SUPT16H: variants seen among roughly 807,000 people sequenced by gnomAD.
SUPT16H encodes the protein SPT16 homolog, facilitates chromatin remodeling subunit.
SUPT16H carries 24 observed loss-of-function variants against 136.2 expected under a neutral mutation model. The observed-to-expected ratio is 0.18, with a 90% CI of 0.13 to 0.25. The LOEUF is 0.25. Ranked by LOEUF, SUPT16H falls within the 10% of genes least tolerant of loss-of-function variation. The pLI is 1.00. For missense variants in SUPT16H, 623 were observed against 1,270.2 expected (o/e 0.49, Z 7.74); for synonymous variants, 415 against 428.2 (o/e 0.97, Z 0.38).
At chr14:21,379,881 AAAAC>A (rs141049084) in intron 1 of SUPT16H, among the ~76,000 whole-genome samples, 124,610 of 149,440 alleles carry the variant, frequency 0.83, 52,607 homozygotes, top group South Asian at 0.91. Context: ...TGAAACTCAA[AAAAC>A]AAACAAACAA....
intron 15 of SUPT16H, 31 bp from the exon 16 acceptor site, chr14:21,361,244 T>C: frequency 6.2e-7 from 1 of 1,611,984 alleles, no homozygotes. Context: ...TTATAGACAT[T>C]TCTTTTTCAG....
chr14:21,379,230 G>A (rs1324981795), intron 1 of SUPT16H, among the ~76,000 whole-genome samples: 2 of 152,104 alleles, frequency 1.3e-5, no homozygotes. Context: ...GAGGCCAGGA[G>A]TTAGAGACCA....
In SUPT16H at chr14:21,373,375, T is replaced by C. The variant is rs1368016564; in HGVS notation, c.122A>G (p.Asp41Gly). The change falls in exon 2 of 26, where the codon GAT (aspartate) becomes GGT (glycine). Residue 41 changes from aspartate (D) to glycine (G), a missense_variant. Around this residue, in one of 7 missense-constraint regions of SUPT16H, gnomAD observed 343 missense variants for 525.7 expected, o/e 0.65. Transcript: ENST00000216297. ...VDAIVVSVGV[D>G]EEIVYAKSTA... ...TGATTTGGCATAAACAATTTCTTCATCAACACCCACTGATACAACAATGGC... is the reference window on the plus strand; with the variant it reads ...TGATTTGGCATAAACAATTTCTTCACCAACACCCACTGATACAACAATGGC... The C allele has an allele frequency of 6.2e-7, 1 of 1,614,182 alleles. No homozygotes were observed. Among genetic ancestry groups the C allele is most frequent in the East Asian group, 2.2e-5 (1 of 44,886 alleles).
Position 21,365,129 on chromosome 14 carries a change from A to G in SUPT16H, c.1061T>C (p.Ile354Thr). 1.2e-6 allele frequency: 2 copies of G among 1,613,778 alleles called. No homozygotes were observed. Among genetic ancestry groups the G allele is most frequent in the Non-Finnish European group, 1.7e-6 (2 of 1,179,850 alleles). The stretch of plus-strand genomic sequence containing the variant: ...TACTAGGGAGCCTTCACGGAATTCA[A>G]TTCCCATCCCAAACCTGAAAAGAAA... Reference protein sequence around the residue: ...ITKNLGFGMGIEFREGSLVIN... With the variant: ...ITKNLGFGMGTEFREGSLVIN... The change falls in exon 9 of 26, where the codon ATT becomes ACT. Residue 354 changes from isoleucine to threonine, a missense_variant. Around this residue, in one of 7 missense-constraint regions of SUPT16H, gnomAD observed 343 missense variants for 525.7 expected, o/e 0.65. Coordinates refer to ENST00000216297, the MANE Select transcript of SUPT16H (RefSeq NM_007192.4).
chr14:21,370,495 G>A lies in SUPT16H; in HGVS notation c.331-7C>T, dbSNP rs1566390806. On this transcript the variant is annotated splice_region_variant and splice_polypyrimidine_tract_variant and intron_variant, in intron 3 of 25. Coordinates refer to ENST00000216297, the MANE Select transcript of SUPT16H (RefSeq NM_007192.4). ...TACTCTTATTACTTTCATTCTGTCAGTGTCATAGGGAAGAAAAGACACATA... is the reference window on the plus strand; with the variant it reads ...TACTCTTATTACTTTCATTCTGTCAATGTCATAGGGAAGAAAAGACACATA... 1.2e-6 allele frequency: 2 copies of A among 1,613,468 alleles called. No individual in the cohort carries two copies. Among genetic ancestry groups the A allele is most frequent in the Non-Finnish European group, 1.7e-6 (2 of 1,179,812 alleles).
chr14:21,373,711 T>C (rs1426442240), intron 1 of SUPT16H, among the ~76,000 whole-genome samples: 2 of 152,194 alleles, frequency 1.3e-5, no homozygotes, highest in African/African-American at 2.4e-5. Context: ...TTCAAAGAAA[T>C]ATTTTATTTT....
rs761601599 is a variant in SUPT16H at position 21,383,935 on chromosome 14, G to T, written c.-8C>A. On this transcript the variant is annotated 5_prime_UTR_variant, in exon 1 of 26. Coordinates refer to ENST00000216297, the MANE Select transcript of SUPT16H (RefSeq NM_007192.4). Reference sequence around the variant, plus strand: ...GTCCAGAGTCACAGCCATAGCCCCGGACGCCGCTTCTCCTCGGGTTCCGAG... The same window carrying T: ...GTCCAGAGTCACAGCCATAGCCCCGTACGCCGCTTCTCCTCGGGTTCCGAG... 8 of 1,612,388 alleles carry T rather than the reference G, an allele frequency of 5.0e-6. 1 individual carries two copies. In the South Asian group the frequency reaches 5.5e-5, roughly 11 times the overall value.
At chr14:21,374,594 C>T (rs771452791) in intron 1 of SUPT16H, among the ~76,000 whole-genome samples, 5 of 152,116 alleles carry the variant, frequency 3.3e-5, no homozygotes, top group Admixed American at 6.6e-5. Flanking sequence ...TAAAATGTGG[C>T]CTTTGTGTCT....
At chr14:21,377,782 C>A (rs1273448985) in intron 1 of SUPT16H, among the ~76,000 whole-genome samples, 1 of 152,118 alleles carries the variant, frequency 6.6e-6, no homozygotes, top group Non-Finnish European at 1.5e-5. Context: ...TGGCACCATG[C>A]CTGGTTAATT....
chr14:21,373,467 A>T (rs770867736), intron 1 of SUPT16H, 37 bp from the exon 2 acceptor site: 2 of 1,426,716 alleles, frequency 1.4e-6, no homozygotes, highest in Admixed American at 3.3e-5. Flanking sequence ...AATTTTTCAC[A>T]CTAGCAAAAC....
intron 1 of SUPT16H, 130 bp from the exon 2 acceptor site, chr14:21,373,560 T>C (rs560544217): frequency 5.5e-6 from 4 of 725,030 alleles, no homozygotes; most frequent in Non-Finnish European, 9.8e-6. Context: ...CATGCCTGTT[T>C]GGCAGTCTTA....
intron 8 of SUPT16H, among the ~76,000 whole-genome samples, chr14:21,365,919 A>G (rs752704357): frequency 5.3e-5 from 8 of 152,158 alleles, no homozygotes; most frequent in Non-Finnish European, 1.0e-4. Context: ...CCTGGGCAAC[A>G]TAGCGAGACC....
chr14:21,383,646 G>A (rs1398226848), intron 1 of SUPT16H: 3 of 712,090 alleles, frequency 4.2e-6, no homozygotes, highest in South Asian at 1.5e-5. Context: ...ACGCGGGGAA[G>A]ATGGTGATGG....
At chr14:21,379,628 G>A (rs1485445088) in intron 1 of SUPT16H, among the ~76,000 whole-genome samples, 2 of 151,804 alleles carry the variant, frequency 1.3e-5, no homozygotes, top group African/African-American at 4.8e-5. Context: ...CGAGGTGGGC[G>A]GATCGCTTGA....
At chr14:21,366,978 T>C (rs1251902812) in intron 7 of SUPT16H, among the ~76,000 whole-genome samples, 2 of 152,170 alleles carry the variant, frequency 1.3e-5, no homozygotes, top group Non-Finnish European at 2.9e-5. Flanking sequence ...TCTCACTCTG[T>C]TGCCCAGGCT....
chr14:21,383,888 C>T lies in SUPT16H; in HGVS notation c.40G>A (p.Val14Met), dbSNP rs1396782293. Reference sequence around the variant, plus strand: ...CGCCAATTGCTGTACAGTCTCTTCACTCGCCGATAATAAGCGTCTTTGTCC... The same window carrying T: ...CGCCAATTGCTGTACAGTCTCTTCATTCGCCGATAATAAGCGTCTTTGTCC... ...TLDKDAYYRRVKRLYSNWRKG... is the reference protein window; with the variant it reads ...TLDKDAYYRRMKRLYSNWRKG... The change falls in exon 1 of 26, where the codon GTG becomes ATG. Residue 14 changes from valine (V) to methionine (M), a missense_variant. Coordinates refer to ENST00000216297, the MANE Select transcript of SUPT16H (RefSeq NM_007192.4). 1 of 1,613,644 alleles carries T rather than the reference C, an allele frequency of 6.2e-7. No individual in the cohort carries two copies. Among genetic ancestry groups the T allele is most frequent in the East Asian group, 2.2e-5 (1 of 44,878 alleles).
At chr14:21,376,268 G>A (rs1230362563) in intron 1 of SUPT16H, among the ~76,000 whole-genome samples, 19 of 152,090 alleles carry the variant, frequency 1.2e-4, no homozygotes, top group African/African-American at 3.4e-4. Flanking sequence ...TTACTACAGC[G>A]TTGTAGTAAG....
At chr14:21,369,383 C>A (rs1257495637) in intron 5 of SUPT16H, 28 bp from the exon 6 acceptor site, 7 of 1,613,602 alleles carry the variant, frequency 4.3e-6, no homozygotes, top group African/African-American at 1.3e-5. Context: ...AATAAAGTAA[C>A]ACTTACTAGA....
At chr14:21,361,773 A>AT (rs907128250) in intron 15 of SUPT16H, among the ~76,000 whole-genome samples, 4 of 151,006 alleles carry the variant, frequency 2.6e-5, no homozygotes, top group African/African-American at 4.9e-5. Context: ...TTTCATAATT[A>AT]TTTTTTTTTT....
Sources: gnomAD v4.1 joint callset for allele counts (sites outside exome capture counted in the v4.1 genomes callset) on GRCh38, gnomAD v4.1.1 for gene constraint, gnomAD v4.1.1 regional missense constraint, MANE v1.5 for transcripts, NCBI Gene and HGNC (gene_info 2026-07-23, HGNC 2026-07-21) for gene names.